MRPS18C: variants seen among roughly 807,000 people sequenced by gnomAD.
MRPS18C encodes small ribosomal subunit protein bS18m.
In MRPS18C, 21 loss-of-function variants were observed where a neutral mutation model predicts 21.0. The ratio of observed to expected loss-of-function variants is 1.00; its 90% CI spans 0.71 to 1.44. MRPS18C has a LOEUF of 1.44. Ranked by LOEUF, MRPS18C falls within the 40% of genes most tolerant of loss-of-function variation. The probability of loss-of-function intolerance (pLI) is 0.00; values close to 1 mark genes in which losing one functional copy is unlikely to be tolerated. For missense variants in MRPS18C, 152 were observed against 171.5 expected (o/e 0.89, Z 0.64); for synonymous variants, 65 against 54.3 (o/e 1.20, Z -0.87).
At chr4:83,459,526 A>G (rs1721997229) in intron 3 of MRPS18C, 2 of 457,362 alleles carry the variant, frequency 4.4e-6, no homozygotes, top group South Asian at 7.2e-5. Flanking sequence ...ATGCTGATTA[A>G]TCTGCTGTTT....
rs746557856 is a variant in MRPS18C at position 83,456,121 on chromosome 4, A to G, written c.44A>G (p.Lys15Arg). The G allele has an allele frequency of 3.7e-6, 6 of 1,613,146 alleles. No individual in the cohort carries two copies. The African/African-American group carries it at 6.7e-5, about 18-fold the overall frequency. Residue 15 changes from lysine (K) to arginine (R), a missense_variant, in exon 1 of 6, where the codon AAG becomes AGG. Lys to Arg is a conservative substitution (Grantham distance 26). Coordinates refer to ENST00000295491, the MANE Select transcript of MRPS18C (RefSeq NM_016067.4). ...VAVCGGLGRK[K>R]LTHLVTAAVS... ...GTTTGCGGTGGTCTAGGGAGGAAGA[A>G]GTTGACACACTTGGTAACGGCTGCT... is the stretch of plus-strand genomic sequence containing the variant.
chr4:83,458,669 C>T (rs905686893), intron 3 of MRPS18C: 1 of 356,066 alleles, frequency 2.8e-6, no homozygotes, highest in Non-Finnish European at 5.0e-6. Context: ...CCCCAAACAT[C>T]TTAATAGCTC....
rs1017833129 is a variant in MRPS18C at position 83,462,099 on chromosome 4, C to CG, written c.*902_*903insG. The stretch of plus-strand genomic sequence containing the variant: ...TAATAGACATGGTCTCAATACGTTG[C>CG]CCAGGCTGGTCTCTAACTCCTAACT... On this transcript the variant is annotated 3_prime_UTR_variant, in exon 6 of 6. Transcript: ENST00000295491. 2.7e-4 allele frequency: 66 copies of CG among 241,766 alleles called. 1 individual carries two copies. Among genetic ancestry groups the CG allele is most frequent in the African/African-American group, 1.3e-3 (60 of 45,534 alleles). The allele number at this position is 241,766 out of a possible 1,614,324, so 15.0% of individuals were successfully genotyped here. A position where few individuals can be genotyped will look rare whatever the true frequency, so the allele number is the denominator to read the frequency against.
At chr4:83,459,703 T>C (rs1722005730) in intron 3 of MRPS18C, 37 bp from the exon 4 acceptor site, 4 of 1,562,058 alleles carry the variant, frequency 2.6e-6, no homozygotes, top group Non-Finnish European at 3.5e-6. Flanking sequence ...AAATAACAGA[T>C]ACTTTTTTTT....
Position 83,461,220 on chromosome 4 carries a change from A to G in MRPS18C, c.*23A>G. On this transcript the variant is annotated 3_prime_UTR_variant, in exon 6 of 6. Coordinates refer to ENST00000295491, the MANE Select transcript of MRPS18C (RefSeq NM_016067.4). ...TAAATTCTATCACGTTACCACTAAT[A>G]AACTTATTTTACAGTAAGTGGTTGT... is the stretch of plus-strand genomic sequence containing the variant. 6.2e-7 allele frequency: 1 copy of G among 1,601,446 alleles called. No individual in the cohort carries two copies. Among genetic ancestry groups the G allele is most frequent in the Non-Finnish European group, 8.5e-7 (1 of 1,170,520 alleles).
intron 1 of MRPS18C, 95 bp from the exon 2 acceptor site, chr4:83,456,814 G>C: frequency 8.4e-7 from 1 of 1,191,666 alleles, no homozygotes; most frequent in South Asian, 1.3e-5. Flanking sequence ...TTAATATCGT[G>C]TCCCTTAATT....
chr4:83,461,338 A>C lies in MRPS18C; in HGVS notation c.*141A>C, dbSNP rs1722105628. 3 of 652,848 alleles carry C rather than the reference A, an allele frequency of 4.6e-6. No homozygotes were observed. Among genetic ancestry groups the C allele is most frequent in the East Asian group, 5.3e-5 (2 of 37,482 alleles). The allele number at this position is 652,848 out of a possible 1,614,324, so 40.4% of individuals were successfully genotyped here. On this transcript the variant is annotated 3_prime_UTR_variant, in exon 6 of 6. Transcript: ENST00000295491. The stretch of plus-strand genomic sequence containing the variant: ...ACACTTCCCCTTCATACCAATGTCC[A>C]TTAAGCAGATTGCTTATTTAAAATG...
At chr4:83,458,644 C>T in intron 3 of MRPS18C, 1 of 404,618 alleles carries the variant, frequency 2.5e-6, no homozygotes, top group Non-Finnish European at 4.3e-6. Context: ...TATTTCCACT[C>T]TGTTTTTTTC....
At chr4:83,457,325 T>G (rs192271390) in intron 2 of MRPS18C, 28 of 185,122 alleles carry the variant, frequency 1.5e-4, no homozygotes, top group Admixed American at 6.8e-4. Flanking sequence ...GTAGTTTGGG[T>G]GAGCAGAATT....
intron 2 of MRPS18C, chr4:83,457,247 G>T: frequency 7.3e-6 from 2 of 272,556 alleles, no homozygotes; most frequent in Non-Finnish European, 6.7e-6. Flanking sequence ...AAGGATATGT[G>T]ATTTGGGAAT....
At chr4:83,459,976 T>C in intron 4 of MRPS18C, 179 bp downstream of exon 4, 1 of 507,018 alleles carries the variant, frequency 2.0e-6, no homozygotes, top group East Asian at 3.5e-5. Flanking sequence ...ATTATTATTT[T>C]GCTGTCTTAT....
At chr4:83,459,706 T>C in intron 3 of MRPS18C, 34 bp from the exon 4 acceptor site, 1 of 1,542,048 alleles carries the variant, frequency 6.5e-7, no homozygotes, top group South Asian at 1.2e-5. Flanking sequence ...TAACAGATAC[T>C]TTTTTTTCCC....
chr4:83,458,424 G>C lies in MRPS18C; in HGVS notation c.229G>C (p.Val77Leu). 1 of 1,580,762 alleles carries C rather than the reference G, an allele frequency of 6.3e-7. No individual in the cohort carries two copies. The highest frequency in any genetic ancestry group is 8.7e-7 in the Non-Finnish European group (1 of 1,153,554). The change falls in exon 3 of 6, where the codon GTA (valine) becomes CTA (leucine). Residue 77 changes from valine (V) to leucine (L), a missense_variant. Transcript: ENST00000295491. ...LCGKHVDYKN[V>L]QLLSQFVSPF... ...TGGAAAGCATGTAGATTATAAGAAT[G>C]TACAGGTGAGATCTGGTTTTACTTC...
At chr4:83,458,990 A>G (rs1022141576) in intron 3 of MRPS18C, 4 of 151,862 alleles carry the variant, frequency 2.6e-5, no homozygotes, top group African/African-American at 9.8e-5. Context: ...TATTAAAAAT[A>G]CAAAAATTAG....
At chr4:83,456,746 T>C (rs1721843081) in intron 1 of MRPS18C, among the ~76,000 whole-genome samples, 163 bp from the exon 2 acceptor site, 1 of 152,192 alleles carries the variant, frequency 6.6e-6, no homozygotes, top group Non-Finnish European at 1.5e-5. Flanking sequence ...TGTTGAGTCT[T>C]ACTCTGTCCC....
intron 2 of MRPS18C, chr4:83,457,206 T>C (rs1414183292): frequency 8.3e-6 from 3 of 363,000 alleles, no homozygotes; most frequent in African/African-American, 4.2e-5. Context: ...GCTGCTATAA[T>C]ACCATATTTT....
At chr4:83,458,476 T>C (rs1449623436) in intron 3 of MRPS18C, 47 bp downstream of exon 3, 12 of 1,385,370 alleles carry the variant, frequency 8.7e-6, no homozygotes, top group Middle Eastern at 1.8e-4. Flanking sequence ...TTGCTTCTGA[T>C]AGATCTGCTT....
At chr4:83,460,598 A>G (rs72931487) in intron 4 of MRPS18C, 14,388 of 215,450 alleles carry the variant, frequency 0.067, 2,151 homozygotes, top group African/African-American at 0.32. Context: ...TGATTTACCA[A>G]TCCTTGACTT....
Position 83,462,220 on chromosome 4 carries a change from CT to C in MRPS18C, c.*1024del, listed in dbSNP as rs1722145164. On this transcript the variant is annotated 3_prime_UTR_variant, in exon 6 of 6. Coordinates refer to ENST00000295491, the MANE Select transcript of MRPS18C (RefSeq NM_016067.4). The stretch of plus-strand genomic sequence containing the variant: ...ACTTTTCCAATTCTAAAGAATGTGT[CT>C]GTGTAAGCCTTCCCCTCAACAACTT... 1 of 162,434 alleles carries C rather than the reference CT, an allele frequency of 6.2e-6. No homozygotes were observed. 10.1% of individuals were successfully genotyped at this position (162,434 alleles called of 1,614,324 possible). A position where few individuals can be genotyped will look rare whatever the true frequency, so the allele number is the denominator to read the frequency against.
Sources: gnomAD v4.1 joint callset for allele counts (sites outside exome capture counted in the v4.1 genomes callset) on GRCh38, gnomAD v4.1.1 for gene constraint, MANE v1.5 for transcripts, NCBI Gene and HGNC (gene_info 2026-07-23, HGNC 2026-07-21) for gene names.